The following PBX3 variants were observed in gnomAD, a reference collection of about 807,000 sequenced individuals.
The protein encoded by PBX3 is PBX homeobox 3, also known as pre-B-cell leukemia transcription factor 3.
In PBX3, 14 loss-of-function variants were observed where a neutral mutation model predicts 48.5. The observed-to-expected ratio is 0.29, with a 90% CI of 0.19 to 0.45. The LOEUF is 0.45. PBX3 is among the 20% of genes least tolerant of loss of function. PBX3 has a pLI of 1.00. For missense variants in PBX3, 386 were observed against 546.7 expected, an observed-to-expected ratio of 0.71 and a Z score of 2.93; for synonymous variants, 210 against 200.3, an observed-to-expected ratio of 1.05 and a Z score of -0.41.
chr9:125,953,021 A>G (rs1006289638), intron 5 of PBX3, among the ~76,000 whole-genome samples: 15 of 152,090 alleles, frequency 9.9e-5, no homozygotes, highest in South Asian at 2.1e-4. Context: ...GTGTATGAAA[A>G]GAAAAAAATG....
intron 2 of PBX3, among the ~76,000 whole-genome samples, chr9:125,772,100 T>C (rs1054556765): frequency 6.6e-6 from 1 of 152,238 alleles, no homozygotes; most frequent in African/African-American, 2.4e-5. Flanking sequence ...AGTGAATCTT[T>C]CTGTATCATG....
intron 2 of PBX3, among the ~76,000 whole-genome samples, chr9:125,899,276 T>A (rs1052369630): frequency 8.7e-6 from 1 of 115,432 alleles, no homozygotes; most frequent in Admixed American, 1.0e-4. Context: ...TAAATATACA[T>A]ATGTATATAT....
chr9:125,878,325 A>G (rs1376170054), intron 2 of PBX3, among the ~76,000 whole-genome samples: 1 of 152,132 alleles, frequency 6.6e-6, no homozygotes, highest in Non-Finnish European at 1.5e-5. Context: ...TCGAAAGGGG[A>G]GGGAAATTTC....
At chr9:125,818,820 A>T (rs1451200352) in intron 2 of PBX3, among the ~76,000 whole-genome samples, 1 of 151,828 alleles carries the variant, frequency 6.6e-6, no homozygotes, top group African/African-American at 2.4e-5. Flanking sequence ...TATTATTTTG[A>T]AGATGATGAT....
chr9:125,785,935 T>G (rs1216334326), intron 2 of PBX3, among the ~76,000 whole-genome samples: 2 of 150,596 alleles, frequency 1.3e-5, no homozygotes, highest in East Asian at 4.0e-4. Context: ...GGTGACTGTT[T>G]AAAGTCGCTT....
chr9:125,867,512 C>T (rs982967068), intron 2 of PBX3, among the ~76,000 whole-genome samples: 4 of 151,544 alleles, frequency 2.6e-5, no homozygotes, highest in Non-Finnish European at 5.9e-5. Context: ...TGGAGGTGCG[C>T]ACCTGTAATG....
At chr9:125,824,454 T>C (rs951337994) in intron 2 of PBX3, among the ~76,000 whole-genome samples, 11 of 152,214 alleles carry the variant, frequency 7.2e-5, no homozygotes, top group African/African-American at 2.7e-4. Flanking sequence ...TTCTTTATTA[T>C]GAGAATGCAT....
chr9:125,809,084 A>G (rs898114718), intron 2 of PBX3, among the ~76,000 whole-genome samples: 1 of 152,340 alleles, frequency 6.6e-6, no homozygotes, highest in Non-Finnish European at 1.5e-5. Flanking sequence ...ACAAAATTAC[A>G]AAAAACCTGG....
At chr9:125,805,155 G>C (rs899821084) in intron 2 of PBX3, among the ~76,000 whole-genome samples, 1 of 151,978 alleles carries the variant, frequency 6.6e-6, no homozygotes, top group African/African-American at 2.4e-5. Flanking sequence ...ACTGGTGGAT[G>C]AGAAGGAGCA....
intron 2 of PBX3, among the ~76,000 whole-genome samples, chr9:125,766,523 G>C (rs1479678409): frequency 6.6e-6 from 1 of 152,038 alleles, no homozygotes; most frequent in African/African-American, 2.4e-5. Context: ...ATATTTGTGT[G>C]TTTCCAAATT....
At chr9:125,803,082 C>A (rs1481308735) in intron 2 of PBX3, among the ~76,000 whole-genome samples, 1 of 149,748 alleles carries the variant, frequency 6.7e-6, no homozygotes, top group Non-Finnish European at 1.5e-5. Flanking sequence ...TGATTTTTCC[C>A]ACTAATGTCT....
intron 2 of PBX3, among the ~76,000 whole-genome samples, chr9:125,766,268 C>G (rs1813167945): frequency 1.3e-5 from 2 of 151,980 alleles, no homozygotes; most frequent in Admixed American, 6.6e-5. Context: ...ATTACAGTAA[C>G]TATATACATA....
At chr9:125,867,716 T>C (rs1840018203) in intron 2 of PBX3, among the ~76,000 whole-genome samples, 1 of 151,024 alleles carries the variant, frequency 6.6e-6, no homozygotes, top group Non-Finnish European at 1.5e-5. Context: ...AAATCAATTA[T>C]GACAATGATG....
chr9:125,899,994 T>G (rs896621175), intron 2 of PBX3, among the ~76,000 whole-genome samples: 8 of 151,688 alleles, frequency 5.3e-5, no homozygotes, highest in Non-Finnish European at 1.0e-4. Context: ...AAATTTAATT[T>G]TAGATTGGGC....
chr9:125,867,564 C>T (rs1470348709), intron 2 of PBX3, among the ~76,000 whole-genome samples: 1 of 140,276 alleles, frequency 7.1e-6, no homozygotes, highest in Non-Finnish European at 1.5e-5. Context: ...CACTTGAATG[C>T]GGGAGGTGGA....
At chr9:125,797,958 A>T (rs1837832932) in intron 2 of PBX3, among the ~76,000 whole-genome samples, 1 of 152,130 alleles carries the variant, frequency 6.6e-6, no homozygotes, top group African/African-American at 2.4e-5. Context: ...TTTATCATAG[A>T]CTGTGAGAGA....
rs191168952 is a variant in PBX3 at position 125,924,909 on chromosome 9, T to G, written c.517-4746T>G. Among the ~76,000 whole-genome samples the G allele has an allele frequency of 1.4e-4, 21 of 152,306 alleles. No homozygotes were observed. The East Asian group carries it at 3.9e-3, about 28-fold the overall frequency. On this transcript the variant is annotated intron_variant, in intron 3 of 8. Coordinates refer to ENST00000373489, the MANE Select transcript of PBX3 (RefSeq NM_006195.6). ...AGAGAACATCTGCCAAATACCCAAC[T>G]CCATATAATCATAATTTATCATATT... is the stretch of plus-strand genomic sequence containing the variant.
chr9:125,911,387 A>G (rs1296505967), intron 2 of PBX3, among the ~76,000 whole-genome samples: 6 of 152,280 alleles, frequency 3.9e-5, no homozygotes, highest in African/African-American at 1.2e-4. Context: ...TGATTTTTAA[A>G]TGAAGAAAGC....
chr9:125,858,273 A>G (rs945104063), intron 2 of PBX3, among the ~76,000 whole-genome samples: 1 of 152,182 alleles, frequency 6.6e-6, no homozygotes, highest in Non-Finnish European at 1.5e-5. Flanking sequence ...GCTGAAGAGC[A>G]TTTAGTAAGG....
Sources: allele counts gnomAD v4.1 joint callset (sites outside exome capture counted in the v4.1 genomes callset), GRCh38; gene constraint gnomAD v4.1.1; transcripts MANE v1.5; gene names NCBI Gene and HGNC (gene_info 2026-07-23, HGNC 2026-07-21).